Variants in ALK observed in about 807,000 individuals in gnomAD.
ALK encodes ALK receptor tyrosine kinase, also known as ALK tyrosine kinase receptor.
A neutral mutation model predicts 163.1 loss-of-function variants in ALK; 74 were observed. That is an observed-to-expected ratio of 0.45 (90% CI 0.38 to 0.55). ALK has a LOEUF of 0.55. Ranked by LOEUF, ALK falls within the 20% of genes least tolerant of loss-of-function variation. The pLI is 0.00. For synonymous variants in ALK, 960 were observed against 843.2 expected (o/e 1.14, Z -2.40); for missense variants, 2,063 against 2,105.3 (o/e 0.98, Z 0.39).
At chr2:29,302,717 G>T (rs1666404771) in intron 8 of ALK, among the ~76,000 whole-genome samples, 1 of 152,114 alleles carries the variant, frequency 6.6e-6, no homozygotes, top group African/African-American at 2.4e-5. Flanking sequence ...GCTAGCAAAT[G>T]TGTATTTTTT....
At chr2:29,535,452 T>C (rs1182449368) in intron 3 of ALK, among the ~76,000 whole-genome samples, 1 of 152,256 alleles carries the variant, frequency 6.6e-6, no homozygotes, top group Non-Finnish European at 1.5e-5. Flanking sequence ...TGTTCAGTTA[T>C]TGACCTTAGA....
At chr2:29,213,068 C>G (rs1669506991) in intron 24 of ALK, among the ~76,000 whole-genome samples, 1 of 152,166 alleles carries the variant, frequency 6.6e-6, no homozygotes, top group African/African-American at 2.4e-5. Flanking sequence ...ATGAACATGC[C>G]TTAAACTCTT....
chr2:29,852,082 TTC>T (rs1156540012), intron 1 of ALK, among the ~76,000 whole-genome samples: 3 of 152,204 alleles, frequency 2.0e-5, no homozygotes, highest in Non-Finnish European at 4.4e-5. Flanking sequence ...TCATCGATTT[TTC>T]TCTTCCGTTC....
At chr2:29,342,877 C>CTT (rs57838065) in intron 5 of ALK, among the ~76,000 whole-genome samples, 1,104 of 90,350 alleles carry the variant, frequency 0.012, 43 homozygotes, top group East Asian at 0.026. Context: ...GCTCAGTGAT[C>CTT]TTTTTTTTTT....
chr2:29,831,031 G>GGGA (rs1665378955), intron 1 of ALK, among the ~76,000 whole-genome samples: 1 of 60,674 alleles, frequency 1.6e-5, no homozygotes, highest in Admixed American at 2.6e-4. Flanking sequence ...GAAGGGGAAG[G>GGGA]AGGAGGAGGA....
intron 1 of ALK, among the ~76,000 whole-genome samples, chr2:29,803,500 T>C (rs1664535935): frequency 6.6e-6 from 1 of 152,198 alleles, no homozygotes. Flanking sequence ...GGAAACTGAA[T>C]AGAGGGGTTT....
At chr2:29,203,006 C>T (rs890036110) in intron 26 of ALK, among the ~76,000 whole-genome samples, 6 of 152,092 alleles carry the variant, frequency 3.9e-5, no homozygotes, top group African/African-American at 1.4e-4. Context: ...TCTCTGGATC[C>T]CCTGGGTTGC....
chr2:29,225,206 C>T (rs930857935), intron 19 of ALK, among the ~76,000 whole-genome samples: 1 of 152,078 alleles, frequency 6.6e-6, no homozygotes, highest in Non-Finnish European at 1.5e-5. Flanking sequence ...CTCCCCACCC[C>T]CTGATCAGCC....
At chr2:29,899,337 CT>C (rs35701643) in intron 1 of ALK, among the ~76,000 whole-genome samples, 2 of 152,168 alleles carry the variant, frequency 1.3e-5, no homozygotes, top group African/African-American at 4.8e-5. Flanking sequence ...ACCCTTGCCC[CT>C]TTTTTGCCCC....
At chr2:29,800,702 C>T (rs545478526) in intron 1 of ALK, among the ~76,000 whole-genome samples, 1 of 152,328 alleles carries the variant, frequency 6.6e-6, no homozygotes, top group African/African-American at 2.4e-5. Flanking sequence ...AAGCTCTTCT[C>T]TTTGAGATGC....
chr2:29,636,828 A>G (rs1676547688), intron 3 of ALK, among the ~76,000 whole-genome samples: 1 of 152,222 alleles, frequency 6.6e-6, no homozygotes, highest in Non-Finnish European at 1.5e-5. Context: ...CTGGAAAATA[A>G]GCACACGAAA....
At chr2:29,583,729 T>G (rs1466912213) in intron 3 of ALK, among the ~76,000 whole-genome samples, 1 of 152,190 alleles carries the variant, frequency 6.6e-6, no homozygotes, top group African/African-American at 2.4e-5. Context: ...CACACTCACC[T>G]GATGAACCAG....
intron 4 of ALK, among the ~76,000 whole-genome samples, chr2:29,416,061 C>T (rs899383689): frequency 2.6e-5 from 4 of 152,306 alleles, no homozygotes; most frequent in South Asian, 4.1e-4. Flanking sequence ...AGTTTGCAGG[C>T]GACATACTGT....
chr2:29,694,701 C>G (rs1678500404), intron 3 of ALK, 149 bp downstream of exon 3: 1 of 1,046,114 alleles, frequency 9.6e-7, no homozygotes, highest in South Asian at 1.3e-5. Context: ...TTGCATGGCC[C>G]AAGAAGCCAT....
intron 4 of ALK, among the ~76,000 whole-genome samples, chr2:29,466,402 G>C (rs938155215): frequency 6.6e-6 from 1 of 152,072 alleles, no homozygotes; most frequent in African/African-American, 2.4e-5. Flanking sequence ...TTTATCTGGA[G>C]AACACATTTC....
chr2:29,832,489 C>A (rs1161324343), intron 1 of ALK, among the ~76,000 whole-genome samples: 1 of 152,222 alleles, frequency 6.6e-6, no homozygotes. Flanking sequence ...GTAGGGTGCA[C>A]ATGAGAGTGA....
At chr2:29,309,068 A>G (rs944568498) in intron 8 of ALK, among the ~76,000 whole-genome samples, 8 of 152,150 alleles carry the variant, frequency 5.3e-5, no homozygotes, top group African/African-American at 1.7e-4. Context: ...TGGAGATGAC[A>G]CTGAGGAGTA....
rs370507369 is a variant in ALK at position 29,279,636 on chromosome 2, T to A, written c.1818-4140A>T. 1.4e-3 allele frequency among the ~76,000 whole-genome samples: 215 copies of A among 152,258 alleles called. 1 individual carries two copies. The highest frequency in any genetic ancestry group is 4.9e-3 in the African/African-American group (204 of 41,564). ...CACCCAGATTCAGGTTTCCCTACTTTCGAAGGTGCCTGGTTGTGTGTCTTT... is the reference window on the plus strand; with the variant it reads ...CACCCAGATTCAGGTTTCCCTACTTACGAAGGTGCCTGGTTGTGTGTCTTT... On this transcript the variant is annotated intron_variant, in intron 9 of 28. Coordinates refer to ENST00000389048, the MANE Select transcript of ALK (RefSeq NM_004304.5).
intron 1 of ALK, among the ~76,000 whole-genome samples, chr2:29,743,670 C>G (rs922931367): frequency 6.6e-6 from 1 of 152,188 alleles, no homozygotes; most frequent in Non-Finnish European, 1.5e-5. Context: ...ATAAAACACA[C>G]AGCATCTTTT....
Sources: allele counts gnomAD v4.1 joint callset (sites outside exome capture counted in the v4.1 genomes callset), GRCh38; gene constraint gnomAD v4.1.1; transcripts MANE v1.5; gene names NCBI Gene and HGNC (gene_info 2026-07-23, HGNC 2026-07-21).